Variants in SPIN2A observed in about 807,000 individuals in gnomAD.
SPIN2A encodes spindlin family member 2A, also known as spindlin-2A.
A neutral mutation model predicts 9.2 loss-of-function variants in SPIN2A; 4 were observed. The observed-to-expected ratio is 0.44, with a 90% CI of 0.21 to 1.00. SPIN2A has a LOEUF of 1.00. SPIN2A is among the 50% of genes least tolerant of loss of function. SPIN2A has a pLI of 0.26. For missense variants in SPIN2A, 77 were observed against 172.8 expected (o/e 0.45, Z 3.11); for synonymous variants, 25 against 61.2 (o/e 0.41, Z 2.76).
At chrX:57,141,546 G>A (rs7880347), upstream of SPIN2A, among the ~76,000 whole-genome samples, 39 of 111,253 alleles carry the variant, frequency 3.5e-4, no homozygotes, top group African/African-American at 1.2e-3. Context: ...ATTCAGCAGT[G>A]CAGCCACAAG....
chrX:57,142,133 C>A (rs1210053150), upstream of SPIN2A, among the ~76,000 whole-genome samples: 1 of 111,652 alleles, frequency 9.0e-6, no homozygotes, highest in Non-Finnish European at 1.9e-5. Context: ...TTATTTCTTT[C>A]CTTCTACTAA....
upstream of SPIN2A, among the ~76,000 whole-genome samples, chrX:57,140,417 C>CA (rs60570721): frequency 0.26 from 17,138 of 64,696 alleles, 2,257 homozygotes; most frequent in Middle Eastern, 0.51. Flanking sequence ...CCATCTCTAC[C>CA]AAAAAAAAAA....
At chrX:57,143,786 T>C in the SPIN2A span, among the ~76,000 whole-genome samples, 2 of 111,831 alleles carry the variant, frequency 1.8e-5, no homozygotes, top group East Asian at 5.6e-4. Flanking sequence ...CCTGTTATTA[T>C]TTTTGATAGC....
At chrX:57,137,642 A>G (rs1041864922), upstream of SPIN2A, 29 of 111,156 alleles carry the variant, frequency 2.6e-4, no homozygotes, top group Admixed American at 2.5e-3. Context: ...CCTTTCCACA[A>G]TTCACAACAG....
upstream of SPIN2A, among the ~76,000 whole-genome samples, chrX:57,140,624 A>G (rs1927977123): frequency 9.2e-6 from 1 of 108,276 alleles, no homozygotes; most frequent in South Asian, 4.0e-4. Flanking sequence ...AAAAAGTGGT[A>G]AAAGCACCAT....
chrX:57,145,933 C>T, the SPIN2A span, among the ~76,000 whole-genome samples: 1 of 111,112 alleles, frequency 9.0e-6, no homozygotes, highest in East Asian at 2.8e-4. Flanking sequence ...GTTTTTATAC[C>T]AGTATCATGC....
upstream of SPIN2A, among the ~76,000 whole-genome samples, chrX:57,139,582 T>C (rs909877917): frequency 9.0e-6 from 1 of 111,057 alleles, no homozygotes; most frequent in African/African-American, 3.3e-5. Context: ...GCCTCCCGAG[T>C]AGCTGGAACC....
chrX:57,145,600 G>A, the SPIN2A span, among the ~76,000 whole-genome samples: 1 of 111,588 alleles, frequency 9.0e-6, no homozygotes, highest in Non-Finnish European at 1.9e-5. Flanking sequence ...AGTTGCATTC[G>A]CTTTTGGGTT....
chrX:57,136,232 G>T lies in SPIN2A; in HGVS notation c.366C>A (p.Ala122=). The change falls in exon 2 of 2, where the codon GCC becomes GCA. Residue 122 remains alanine, a synonymous_variant. Transcript: ENST00000374906. The stretch of plus-strand genomic sequence containing the variant: ...TGCCAATTATGGTATTTGCAAGGTT[G>T]GCATCACTAATGTGAGATGATGCCA... The part of the protein sequence containing the change: ...DRVASSHISD[A]NLANTIIGKA... 1 of 1,207,947 alleles carries T rather than the reference G, an allele frequency of 8.3e-7. No individual in the cohort carries two copies. Among genetic ancestry groups the T allele is most frequent in the Non-Finnish European group, 1.1e-6 (1 of 894,673 alleles).
upstream of SPIN2A, among the ~76,000 whole-genome samples, chrX:57,140,745 G>A (rs1387544154): frequency 3.6e-5 from 4 of 111,778 alleles, no homozygotes; most frequent in Non-Finnish European, 5.6e-5. Flanking sequence ...ATCAAATGCT[G>A]CATGTTCTCA....
the SPIN2A span, among the ~76,000 whole-genome samples, chrX:57,146,194 A>G: frequency 9.0e-6 from 1 of 110,859 alleles, no homozygotes; most frequent in East Asian, 2.8e-4. Flanking sequence ...TTCCCCATCC[A>G]TGAGGATGGG....
chrX:57,144,686 C>G, the SPIN2A span, among the ~76,000 whole-genome samples: 1 of 109,942 alleles, frequency 9.1e-6, no homozygotes, highest in African/African-American at 3.3e-5. Flanking sequence ...TCATCCTTTC[C>G]AAGTGTTCCC....
At chrX:57,134,555 C>T (rs761800532), downstream of SPIN2A, 5 of 111,838 alleles carry the variant, frequency 4.5e-5, no homozygotes, top group East Asian at 1.1e-3. Context: ...AGGCTCAGTC[C>T]TCTGATGCCC....
upstream of SPIN2A, among the ~76,000 whole-genome samples, chrX:57,137,894 C>T (rs1322687718): frequency 1.8e-5 from 2 of 111,723 alleles, no homozygotes; most frequent in African/African-American, 6.5e-5. Context: ...TCTCCAAGCA[C>T]ATGCACATGT....
At position 57,137,358 on chromosome X, in the gene SPIN2A, TGAG is replaced by T; in HGVS notation, c.-107_-105del. ...GAGCGGGGAGGGTAGGATCCATAGA[TGAG>T]GAGCGTGTGTAGGAGCGCGGCGAGA... On this transcript the variant is annotated 5_prime_UTR_variant, in exon 1 of 2. Coordinates refer to ENST00000374906, the MANE Select transcript of SPIN2A (RefSeq NM_019003.5). 1 of 756,679 alleles carries T rather than the reference TGAG, an allele frequency of 1.3e-6. No homozygotes were observed. Among genetic ancestry groups the T allele is most frequent in the Non-Finnish European group, 1.6e-6 (1 of 640,697 alleles). The allele number at this position is 756,679 out of a possible 1,213,427, so 62.4% of individuals were successfully genotyped here. A position where few individuals can be genotyped will look rare whatever the true frequency, so the allele number is the denominator to read the frequency against.
chrX:57,137,026 T>G (rs996271329), intron 1 of SPIN2A: 51 of 829,925 alleles, frequency 6.1e-5, no homozygotes, highest in Middle Eastern at 6.4e-4. Flanking sequence ...GTTACCTACC[T>G]CCCTTGCTTC....
At chrX:57,142,724 T>C in the SPIN2A span, among the ~76,000 whole-genome samples, 1 of 112,011 alleles carries the variant, frequency 8.9e-6, no homozygotes, top group East Asian at 2.8e-4. Context: ...ACACTTGTTA[T>C]CGTTTTGGGA....
At chrX:57,135,609 C>G, downstream of SPIN2A, 1 of 831,550 alleles carries the variant, frequency 1.2e-6, no homozygotes, top group Non-Finnish European at 1.7e-6. Flanking sequence ...ACCAAACACA[C>G]CCGAACTTTT....
the SPIN2A span, among the ~76,000 whole-genome samples, chrX:57,142,880 G>A: frequency 9.0e-6 from 1 of 111,375 alleles, no homozygotes; most frequent in Non-Finnish European, 1.9e-5. Context: ...TCTTTTTACA[G>A]TTTTTGGCTT....
Sources: allele counts gnomAD v4.1 joint callset (sites outside exome capture counted in the v4.1 genomes callset), GRCh38; gene constraint gnomAD v4.1.1; transcripts MANE v1.5; gene names NCBI Gene and HGNC (gene_info 2026-07-23, HGNC 2026-07-21).